The following BEND6 variants were observed in gnomAD, a reference collection of about 807,000 sequenced individuals.
The protein encoded by BEND6 is BEN domain containing 6, also known as BEN domain-containing protein 6.
A neutral mutation model predicts 31.8 loss-of-function variants in BEND6; 24 were observed. The ratio of observed to expected loss-of-function variants is 0.75; its 90% confidence interval spans 0.55 to 1.06. BEND6 has a LOEUF of 1.06. BEND6 is among the 50% of genes least tolerant of loss of function. The pLI, the probability that BEND6 is intolerant of heterozygous loss-of-function variation, is 0.00. For synonymous variants in BEND6, 109 were observed against 114.6 expected (o/e 0.95, Z 0.31); for missense variants, 294 against 327.4 (o/e 0.90, Z 0.79).
At chr6:57,020,845 T>TTTG (rs1554291001) in intron 6 of BEND6, among the ~76,000 whole-genome samples, 1 of 151,432 alleles carries the variant, frequency 6.6e-6, no homozygotes, top group African/African-American at 2.4e-5. Context: ...TTTTTTTTTT[T>TTTG]TTTTTTTTTA....
chr6:56,970,229 C>G (rs552599639), intron 1 of BEND6, among the ~76,000 whole-genome samples: 3 of 152,094 alleles, frequency 2.0e-5, no homozygotes, highest in Admixed American at 1.3e-4. Context: ...GAGTCTCACT[C>G]TGTCACCCAG....
intron 1 of BEND6, among the ~76,000 whole-genome samples, chr6:56,980,477 C>A (rs1193886649): frequency 6.6e-6 from 1 of 152,136 alleles, no homozygotes; most frequent in Admixed American, 6.5e-5. Context: ...GTGTGAGCCA[C>A]TGCATGTGGC....
chr6:57,025,882 A>G (rs1266130074), intron 6 of BEND6, among the ~76,000 whole-genome samples, 200 bp from the exon 7 acceptor site: 2 of 151,924 alleles, frequency 1.3e-5, no homozygotes, highest in Non-Finnish European at 2.9e-5. Flanking sequence ...TTGGCACTGT[A>G]TGTTTGTTTT....
At chr6:57,002,821 C>A (rs1826995262) in intron 3 of BEND6, among the ~76,000 whole-genome samples, 1 of 151,848 alleles carries the variant, frequency 6.6e-6, no homozygotes, top group South Asian at 2.1e-4. Context: ...GAAAAACAAA[C>A]CCCAAAGCTA....
intron 3 of BEND6, among the ~76,000 whole-genome samples, chr6:56,997,807 C>T (rs1317857492): frequency 6.6e-6 from 1 of 152,132 alleles, no homozygotes; most frequent in African/African-American, 2.4e-5. Context: ...CCACCTCGGC[C>T]TCCAAAAGTG....
At chr6:57,006,778 C>G (rs1827174647) in intron 3 of BEND6, among the ~76,000 whole-genome samples, 1 of 152,084 alleles carries the variant, frequency 6.6e-6, no homozygotes, top group African/African-American at 2.4e-5. Context: ...CCCTGAATAG[C>G]CAAAGCAATT....
chr6:56,998,407 A>G (rs1243902030), intron 3 of BEND6, among the ~76,000 whole-genome samples: 1 of 152,160 alleles, frequency 6.6e-6, no homozygotes, highest in Non-Finnish European at 1.5e-5. Flanking sequence ...TGTGTGTGTT[A>G]AGTATTTAAT....
chr6:57,010,821 A>C (rs1383123758), intron 3 of BEND6: 3 of 794,190 alleles, frequency 3.8e-6, no homozygotes, highest in Non-Finnish European at 4.6e-6. Flanking sequence ...TACTAAGAAA[A>C]GACTGCTACT....
intron 1 of BEND6, among the ~76,000 whole-genome samples, chr6:56,968,859 A>G (rs1825585114): frequency 6.6e-6 from 1 of 152,058 alleles, no homozygotes; most frequent in Non-Finnish European, 1.5e-5. Flanking sequence ...GCGGATCACG[A>G]GGTCAGGAGC....
At chr6:57,017,522 T>C (rs975586723) in intron 5 of BEND6, 123 bp downstream of exon 5, 2 of 777,522 alleles carry the variant, frequency 2.6e-6, no homozygotes. Context: ...AGAAAAATCT[T>C]AGGATAGTCT....
chr6:56,995,649 A>T (rs556280266), intron 3 of BEND6, among the ~76,000 whole-genome samples: 93 of 152,202 alleles, frequency 6.1e-4, no homozygotes, highest in African/African-American at 2.1e-3. Context: ...TCTTCACAGG[A>T]TGTTCTTGTG....
At chr6:56,967,512 T>C (rs1328319206) in intron 1 of BEND6, among the ~76,000 whole-genome samples, 1 of 152,000 alleles carries the variant, frequency 6.6e-6, no homozygotes, top group African/African-American at 2.4e-5. Context: ...TCAGCTGAAC[T>C]CAGCTGAAAA....
At chr6:57,000,581 AC>A (rs199951125) in intron 3 of BEND6, among the ~76,000 whole-genome samples, 9,900 of 150,708 alleles carry the variant, frequency 0.066, 444 homozygotes, top group East Asian at 0.18. Context: ...TACTAAAAAA[AC>A]AAACAAAAAA....
intron 3 of BEND6, among the ~76,000 whole-genome samples, chr6:56,997,323 T>C (rs952793896): frequency 3.3e-5 from 5 of 152,180 alleles, no homozygotes; most frequent in Non-Finnish European, 5.9e-5. Context: ...ACCTTTCTTC[T>C]CCCAGTTTTT....
rs542206458 is a variant in BEND6 at position 57,021,119 on chromosome 6, C to T, written c.*9+2562C>T. Among the ~76,000 whole-genome samples the T allele has an allele frequency of 2.0e-5, 3 of 152,214 alleles. No homozygotes were observed. In the South Asian group the frequency reaches 6.2e-4, roughly 32 times the overall value. On this transcript the variant is annotated intron_variant, in intron 6 of 6. Coordinates refer to ENST00000370746, the MANE Select transcript of BEND6 (RefSeq NM_152731.3). ...GACTGGAAATGCATGTATTTTGAATCAGTAATGGAGATTAGCTAGAATGGA... is the reference window on the plus strand; with the variant it reads ...GACTGGAAATGCATGTATTTTGAATTAGTAATGGAGATTAGCTAGAATGGA...
intron 3 of BEND6, among the ~76,000 whole-genome samples, chr6:57,001,966 A>G (rs1373548421): frequency 6.6e-6 from 1 of 152,220 alleles, no homozygotes; most frequent in Admixed American, 6.5e-5. Flanking sequence ...TTAAAAAAGC[A>G]AGTAGACCTC....
intron 1 of BEND6, among the ~76,000 whole-genome samples, chr6:56,962,801 G>C (rs1214629250): frequency 6.6e-6 from 1 of 152,164 alleles, no homozygotes; most frequent in Non-Finnish European, 1.5e-5. Context: ...TGATTGGTAT[G>C]ATCATTATTC....
At chr6:57,014,536 A>AT in intron 3 of BEND6, 1 of 1,501,114 alleles carries the variant, frequency 6.7e-7, no homozygotes, top group Non-Finnish European at 8.9e-7. Flanking sequence ...GTAAGTTTCC[A>AT]TTTGAAAAAA....
chr6:56,984,099 T>C lies in BEND6; in HGVS notation c.120+2169T>C, dbSNP rs536738225. ...AATCGGGTGCAACTGCTTACACCTG[T>C]AGTCCTAGCTACTTGGGAGGTTGAG... On this transcript the variant is annotated intron_variant, in intron 2 of 6. Transcript: ENST00000370746. Among the ~76,000 whole-genome samples the C allele has an allele frequency of 2.0e-5, 3 of 152,180 alleles. No individual in the cohort carries two copies. The South Asian group carries it at 6.2e-4, about 32-fold the overall frequency.
Sources: allele counts gnomAD v4.1 joint callset (sites outside exome capture counted in the v4.1 genomes callset), GRCh38; gene constraint gnomAD v4.1.1; transcripts MANE v1.5; gene names NCBI Gene and HGNC (gene_info 2026-07-23, HGNC 2026-07-21).